KCNIP4: variants seen among roughly 807,000 people sequenced by gnomAD.
The protein encoded by KCNIP4 is potassium voltage-gated channel interacting protein 4.
Under a neutral mutation model 34.0 loss-of-function variants are expected in KCNIP4, and 12 were observed. The observed-to-expected ratio is 0.35, with a 90% confidence interval of 0.23 to 0.57. The LOEUF is 0.57. Among genes scored for constraint, KCNIP4 ranks in the 20% least tolerant of loss-of-function variants. The pLI is 0.83. For synonymous variants in KCNIP4, 124 were observed against 102.2 expected (o/e 1.21, Z -1.29); for missense variants, 238 against 311.7 (o/e 0.76, Z 1.78).
intron 1 of KCNIP4, chr4:21,844,066 T>G (rs1232006221): frequency 6.6e-6 from 1 of 151,966 alleles, no homozygotes; most frequent in Non-Finnish European, 1.5e-5. Context: ...ACTCACTCAC[T>G]CTACACATAT....
intron 1 of KCNIP4, among the ~76,000 whole-genome samples, chr4:21,438,495 A>G (rs866642099): frequency 2.6e-5 from 4 of 152,204 alleles, no homozygotes; most frequent in African/African-American, 9.6e-5. Context: ...TCTTTTATTT[A>G]GGAATCTTTT....
intron 1 of KCNIP4, among the ~76,000 whole-genome samples, chr4:21,905,414 T>C (rs1311436414): frequency 2.0e-5 from 3 of 152,098 alleles, no homozygotes; most frequent in African/African-American, 7.2e-5. Flanking sequence ...TTTATTCTAT[T>C]ATTATTATAC....
At position 21,664,430 on chromosome 4, in the gene KCNIP4, G is replaced by A. The variant is rs1237961832; in HGVS notation, c.61+284141C>T. ...AAACAGAGACAAAAAAAAAAAAATA[G>A]GAACCAGAGAAAGCAATTATTCCCA... On this transcript the variant is annotated intron_variant, in intron 1 of 8. Transcript: ENST00000382152. 6.6e-5 allele frequency among the ~76,000 whole-genome samples: 10 copies of A among 151,638 alleles called. 1 individual carries two copies. The highest frequency in any genetic ancestry group is 4.4e-5 in the Non-Finnish European group (3 of 67,938).
chr4:21,473,550 G>GA (rs1284301712), intron 1 of KCNIP4, among the ~76,000 whole-genome samples: 1 of 152,058 alleles, frequency 6.6e-6, no homozygotes, highest in Non-Finnish European at 1.5e-5. Flanking sequence ...TCAGATTTTA[G>GA]AAAAAGAAAT....
At chr4:20,979,039 TA>T (rs1213877041) in intron 1 of KCNIP4, among the ~76,000 whole-genome samples, 2 of 152,154 alleles carry the variant, frequency 1.3e-5, no homozygotes, top group African/African-American at 4.8e-5. Flanking sequence ...TTTTTCAAAA[TA>T]AAAAGTTTAC....
At chr4:21,946,414 C>A (rs1020559217) in intron 1 of KCNIP4, among the ~76,000 whole-genome samples, 2 of 152,066 alleles carry the variant, frequency 1.3e-5, no homozygotes, top group African/African-American at 4.8e-5. Context: ...TATAAATAGC[C>A]TACTTATTGG....
intron 1 of KCNIP4, among the ~76,000 whole-genome samples, chr4:21,295,552 T>C (rs1458198652): frequency 6.6e-6 from 1 of 152,144 alleles, no homozygotes; most frequent in Non-Finnish European, 1.5e-5. Flanking sequence ...AGCCTGCCTG[T>C]GCTCCTTGGA....
intron 2 of KCNIP4, among the ~76,000 whole-genome samples, chr4:20,863,541 A>T (rs529528888): frequency 6.6e-6 from 1 of 152,294 alleles, no homozygotes; most frequent in South Asian, 2.1e-4. Context: ...GTAAAGGCAG[A>T]CTGGTCCCCA....
chr4:21,682,136 G>A (rs1257308215), intron 1 of KCNIP4, among the ~76,000 whole-genome samples: 6 of 152,124 alleles, frequency 3.9e-5, no homozygotes, highest in African/African-American at 1.4e-4. Context: ...AAGTGATTAT[G>A]TCCATGTCAG....
At chr4:21,506,068 A>G (rs1733824830) in intron 1 of KCNIP4, among the ~76,000 whole-genome samples, 1 of 152,230 alleles carries the variant, frequency 6.6e-6, no homozygotes, top group Admixed American at 6.5e-5. Flanking sequence ...GCACCACTGC[A>G]CTCCAGCCTG....
intron 1 of KCNIP4, among the ~76,000 whole-genome samples, chr4:21,694,943 A>AAAAAAAAAAAAAAAC (rs1560637409): frequency 2.2e-5 from 1 of 45,338 alleles, no homozygotes; most frequent in African/African-American, 5.5e-5. Flanking sequence ...AAAATAAATA[A>AAAAAAAAAAAAAAAC]ATAAATAAAG....
chr4:21,266,103 A>G (rs898202730), intron 1 of KCNIP4, among the ~76,000 whole-genome samples: 2 of 152,198 alleles, frequency 1.3e-5, no homozygotes, highest in Admixed American at 6.5e-5. Context: ...ATACTCACTT[A>G]AATGTCAAGA....
chr4:21,457,051 G>GA (rs978208381), intron 1 of KCNIP4, among the ~76,000 whole-genome samples: 51 of 151,572 alleles, frequency 3.4e-4, no homozygotes, highest in Admixed American at 2.0e-3. Context: ...TTCAGTTGTG[G>GA]AAAAAAAACA....
At chr4:21,501,993 GCACACA>G (rs10559810) in intron 1 of KCNIP4, among the ~76,000 whole-genome samples, 115 of 145,212 alleles carry the variant, frequency 7.9e-4, no homozygotes, top group Non-Finnish European at 1.2e-3. Context: ...TCATGCACAC[GCACACA>G]CACACACACA....
intron 1 of KCNIP4, among the ~76,000 whole-genome samples, chr4:21,596,198 A>G (rs1449854732): frequency 6.6e-6 from 1 of 152,140 alleles, no homozygotes; most frequent in East Asian, 1.9e-4. Flanking sequence ...AAATTGGCTT[A>G]TAATTATACT....
At chr4:21,872,494 T>C (rs1219495093) in intron 1 of KCNIP4, among the ~76,000 whole-genome samples, 1 of 152,138 alleles carries the variant, frequency 6.6e-6, no homozygotes, top group African/African-American at 2.4e-5. Flanking sequence ...CTTGTTTCAT[T>C]CCAGGTCGAA....
intron 1 of KCNIP4, among the ~76,000 whole-genome samples, chr4:21,346,135 G>A (rs1717305957): frequency 1.1e-5 from 1 of 93,216 alleles, no homozygotes; most frequent in South Asian, 3.3e-4. Flanking sequence ...TACACTGCCT[G>A]AGTGTGTATA....
chr4:21,682,923 T>C (rs922635541), intron 1 of KCNIP4, among the ~76,000 whole-genome samples: 2 of 152,140 alleles, frequency 1.3e-5, no homozygotes, highest in Non-Finnish European at 2.9e-5. Flanking sequence ...ATAATGATAA[T>C]GAAAAACTAT....
chr4:21,494,457 G>A (rs909393393), intron 1 of KCNIP4, among the ~76,000 whole-genome samples: 2 of 152,004 alleles, frequency 1.3e-5, no homozygotes, highest in Admixed American at 1.3e-4. Context: ...GCCTTAACTA[G>A]AAATCTGAAA....
Sources: gnomAD v4.1 joint callset for allele counts (sites outside exome capture counted in the v4.1 genomes callset) on GRCh38, gnomAD v4.1.1 for gene constraint, MANE v1.5 for transcripts, NCBI Gene and HGNC (gene_info 2026-07-23, HGNC 2026-07-21) for gene names.